DIAPH2: variants seen among roughly 807,000 people sequenced by gnomAD.
DIAPH2 encodes the protein protein diaphanous homolog 2.
Under a neutral mutation model 92.7 loss-of-function variants are expected in DIAPH2, and 35 were observed. That is an observed-to-expected ratio of 0.38 (90% confidence interval 0.29 to 0.50). The LOEUF (loss-of-function observed/expected upper bound fraction) is 0.50. Among genes scored for constraint, DIAPH2 ranks in the 20% least tolerant of loss-of-function variants. DIAPH2 has a pLI of 0.94. For synonymous variants in DIAPH2, 301 were observed against 280.4 expected, an observed-to-expected ratio of 1.07 and a Z score of -0.73; for missense variants, 701 against 819.5, an observed-to-expected ratio of 0.86 and a Z score of 1.77.
At chrX:96,831,676 T>G (rs1284384597) in intron 4 of DIAPH2, among the ~76,000 whole-genome samples, 1 of 112,302 alleles carries the variant, frequency 8.9e-6, no homozygotes, top group Admixed American at 9.5e-5. Context: ...ACCATCTCAG[T>G]GAATGAGGTA....
intron 24 of DIAPH2, among the ~76,000 whole-genome samples, chrX:97,366,143 T>C (rs1185652305): frequency 4.5e-5 from 5 of 112,075 alleles, no homozygotes; most frequent in South Asian, 3.7e-4. Flanking sequence ...CACATAAAAG[T>C]AACCAGCAAA....
At chrX:97,468,694 G>C (rs1455382408) in intron 26 of DIAPH2, among the ~76,000 whole-genome samples, 2 of 109,629 alleles carry the variant, frequency 1.8e-5, no homozygotes, top group Admixed American at 9.8e-5. Flanking sequence ...AAGGTTTGGA[G>C]GTGCACCGTT....
intron 23 of DIAPH2, among the ~76,000 whole-genome samples, chrX:97,292,011 T>A: frequency 9.0e-6 from 1 of 111,118 alleles, no homozygotes; most frequent in East Asian, 2.8e-4. Context: ...TTCTGACATT[T>A]ACACTACTGA....
intron 16 of DIAPH2, among the ~76,000 whole-genome samples, chrX:96,961,242 T>C (rs2065845321): frequency 9.0e-6 from 1 of 110,759 alleles, no homozygotes; most frequent in Admixed American, 9.6e-5. Flanking sequence ...GGGGACTTTC[T>C]TGGTAGATTG....
intron 17 of DIAPH2, among the ~76,000 whole-genome samples, chrX:97,042,244 A>G (rs2066453128): frequency 8.9e-6 from 1 of 111,914 alleles, no homozygotes; most frequent in African/African-American, 3.2e-5. Flanking sequence ...TGTTTCTTAG[A>G]TGAATTTGTT....
chrX:97,012,302 C>A (rs1009640248), intron 17 of DIAPH2, among the ~76,000 whole-genome samples: 1 of 111,974 alleles, frequency 8.9e-6, no homozygotes, highest in Admixed American at 9.4e-5. Context: ...CTGTTCTAAA[C>A]ACATTACATG....
intron 23 of DIAPH2, among the ~76,000 whole-genome samples, chrX:97,263,609 CAG>C (rs2068307322): frequency 1.9e-5 from 2 of 106,825 alleles, no homozygotes; most frequent in African/African-American, 6.8e-5. Flanking sequence ...ATTTTTGAGA[CAG>C]AGTCTTGCTC....
intron 26 of DIAPH2, among the ~76,000 whole-genome samples, chrX:97,480,963 A>C (rs1170552383): frequency 1.8e-5 from 2 of 112,267 alleles, no homozygotes; most frequent in African/African-American, 6.5e-5. Context: ...AAATCAATTT[A>C]AGCTGTTTAC....
rs2064369732 is a variant in DIAPH2, at chrX:96,775,354, TG to T, written c.447+17097del. On this transcript the variant is annotated intron_variant, in intron 4 of 26. Coordinates refer to ENST00000324765, the MANE Select transcript of DIAPH2 (RefSeq NM_006729.5). ...ATTCTTATTTTACTCAACGTGTGCT[TG>T]TGTGTGTGTGTGTGTGTGTGTGTGT... 8.5e-4 allele frequency among the ~76,000 whole-genome samples: 6 copies of T among 7,062 alleles called. No individual in the cohort carries two copies. In the East Asian group the frequency reaches 0.16, roughly 191 times the overall value. 6.1% of individuals were successfully genotyped at this position (7,062 alleles called of 115,157 possible). A position where few individuals can be genotyped will look rare whatever the true frequency, so the allele number is the denominator to read the frequency against.
intron 1 of DIAPH2, among the ~76,000 whole-genome samples, chrX:96,711,337 A>T (rs1445632630): frequency 4.5e-5 from 5 of 111,820 alleles, no homozygotes; most frequent in Admixed American, 1.9e-4. Context: ...CCATGCCAAC[A>T]TCTATTATTT....
At chrX:96,950,691 C>A (rs1375597457) in intron 15 of DIAPH2, among the ~76,000 whole-genome samples, 2 of 111,914 alleles carry the variant, frequency 1.8e-5, no homozygotes, top group Admixed American at 9.5e-5. Context: ...CTTCCTGAAA[C>A]AATTCCCTGA....
chrX:96,881,647 G>C lies in DIAPH2; in HGVS notation c.516G>C (p.Ser172=). The change falls in exon 5 of 27, where the codon TCG becomes TCC. Residue 172 remains serine, a synonymous_variant. Transcript: ENST00000324765. The part of the protein sequence containing the change: ...SSQEYVHELR[S]GISDEKLLNC... ...AAGAATATGTTCATGAATTACGATC[G>C]GGTATATCAGATGAGAAACTTCTTA... The C allele has an allele frequency of 8.3e-7, 1 of 1,206,608 alleles. No individual in the cohort carries two copies. The highest frequency in any genetic ancestry group is 1.1e-6 in the Non-Finnish European group (1 of 892,118).
At chrX:97,397,240 G>A (rs1465068617) in intron 25 of DIAPH2, among the ~76,000 whole-genome samples, 2 of 111,936 alleles carry the variant, frequency 1.8e-5, no homozygotes, top group Non-Finnish European at 3.8e-5. Flanking sequence ...CTTAGAAGAT[G>A]ATGGTATGAT....
intron 22 of DIAPH2, among the ~76,000 whole-genome samples, chrX:97,190,035 C>T (rs960471053): frequency 1.1e-4 from 12 of 113,185 alleles, no homozygotes; most frequent in African/African-American, 2.6e-4. Context: ...AGTATCAAAA[C>T]GGCTTTATTA....
intron 22 of DIAPH2, among the ~76,000 whole-genome samples, chrX:97,246,196 G>A (rs1490647904): frequency 9.1e-6 from 1 of 109,910 alleles, no homozygotes; most frequent in Non-Finnish European, 1.9e-5. Context: ...TTACAGGTGT[G>A]AGCCACCGCG....
In DIAPH2 at chrX:97,265,731, A is replaced by C. The variant is rs56241354; in HGVS notation, c.2844+17892A>C. Among the ~76,000 whole-genome samples, 673 of 112,226 alleles carry C rather than the reference A, an allele frequency of 6.0e-3. 2 individuals carry two copies. The highest frequency in any genetic ancestry group is 0.021 in the African/African-American group (635 of 30,928). The stretch of plus-strand genomic sequence containing the variant: ...TGTGGTTAACAAAGGGGAGATTAGT[A>C]TAAGATGAAAACTGAGAAAAAGGTA... On this transcript the variant is annotated intron_variant, in intron 23 of 26. Coordinates refer to ENST00000324765, the MANE Select transcript of DIAPH2 (RefSeq NM_006729.5).
chrX:97,034,764 A>G (rs1036955184), intron 17 of DIAPH2, among the ~76,000 whole-genome samples: 1 of 111,350 alleles, frequency 9.0e-6, no homozygotes, highest in Middle Eastern at 4.7e-3. Context: ...AATTTTTTTA[A>G]AAGTGTGTAT....
chrX:97,180,428 C>A (rs2067529867), intron 22 of DIAPH2, among the ~76,000 whole-genome samples: 1 of 111,560 alleles, frequency 9.0e-6, no homozygotes, highest in Non-Finnish European at 1.9e-5. Context: ...GGGTAGATTG[C>A]AAAAATTTTC....
intron 5 of DIAPH2, among the ~76,000 whole-genome samples, chrX:96,901,192 G>C (rs1247586192): frequency 9.1e-6 from 1 of 110,292 alleles, no homozygotes; most frequent in Non-Finnish European, 1.9e-5. Context: ...AATCTAGGAG[G>C]GCTGTATGTT....
Sources: allele counts gnomAD v4.1 joint callset (sites outside exome capture counted in the v4.1 genomes callset), GRCh38; gene constraint gnomAD v4.1.1; transcripts MANE v1.5; gene names NCBI Gene and HGNC (gene_info 2026-07-23, HGNC 2026-07-21).